The following WDR72 variants were observed in gnomAD, a reference collection of about 807,000 sequenced individuals.
WDR72 encodes the protein WD repeat-containing protein 72.
WDR72 carries 120 observed loss-of-function variants against 124.2 expected under a neutral mutation model. That is an observed-to-expected ratio of 0.97 (90% CI 0.83 to 1.12). The LOEUF is 1.12. WDR72 is among the 50% of genes most tolerant of loss of function. The pLI is 0.00. For missense variants in WDR72, 1,387 were observed against 1,278.8 expected, an observed-to-expected ratio of 1.08 and a Z score of -1.29; for synonymous variants, 452 against 441.7, an observed-to-expected ratio of 1.02 and a Z score of -0.29.
At position 53,735,872 on chromosome 15, in the gene WDR72, A is replaced by T. The variant is rs564300314; in HGVS notation, c.-12-2711T>A. 2.6e-5 allele frequency among the ~76,000 whole-genome samples: 4 copies of T among 152,178 alleles called. 1 individual carries two copies. The East Asian group carries it at 7.7e-4, about 29-fold the overall frequency. ...AAAAGATGAAATTAAAAACCCAAAG[A>T]AAAAACCTACAAAAGGTAGACTTTT... On this transcript the variant is annotated intron_variant, in intron 1 of 19. Transcript: ENST00000360509.
intron 18 of WDR72, among the ~76,000 whole-genome samples, chr15:53,579,817 T>C (rs1244218953): frequency 3.3e-5 from 5 of 151,554 alleles, no homozygotes; most frequent in Admixed American, 6.6e-5. Context: ...CTGTCCCCTA[T>C]AAAAAAAATG....
intron 18 of WDR72, among the ~76,000 whole-genome samples, chr15:53,539,092 TA>T (rs1892928112): frequency 6.6e-6 from 1 of 152,160 alleles, no homozygotes; most frequent in Non-Finnish European, 1.5e-5. Flanking sequence ...TAAAGTAACA[TA>T]CTTAAAAATT....
At chr15:53,529,164 A>ATATTTTTTTTTTTTT (rs59003623) in intron 18 of WDR72, among the ~76,000 whole-genome samples, 5 of 78,168 alleles carry the variant, frequency 6.4e-5, no homozygotes, top group African/African-American at 2.5e-4. Context: ...ATATATATAT[A>ATATTTTTTTTTTTTT]TTTTTTTTTT....
chr15:53,678,831 C>T lies in WDR72; in HGVS notation c.1766-13063G>A, dbSNP rs538022286. Among the ~76,000 whole-genome samples the T allele has an allele frequency of 4.7e-4, 72 of 152,216 alleles. 1 individual carries two copies. In the South Asian group the frequency reaches 0.014, roughly 29 times the overall value. On this transcript the variant is annotated intron_variant, in intron 13 of 19. Transcript: ENST00000360509. ...ATATACCAAAATTGACTGAAAACAA[C>T]GATATGAATAGATATTTGTATACCC...
intron 14 of WDR72, among the ~76,000 whole-genome samples, chr15:53,631,573 G>A (rs2014430386): frequency 6.6e-6 from 1 of 152,202 alleles, no homozygotes; most frequent in African/African-American, 2.4e-5. Flanking sequence ...ACAGGAAGAT[G>A]AGGGAAAATT....
At chr15:53,726,823 GAC>G (rs2018052872) in intron 2 of WDR72, among the ~76,000 whole-genome samples, 1 of 152,132 alleles carries the variant, frequency 6.6e-6, no homozygotes, top group South Asian at 2.1e-4. Context: ...CAGACTGGGT[GAC>G]AGAGTGAGAT....
At chr15:53,576,791 C>T (rs1050745121) in intron 18 of WDR72, among the ~76,000 whole-genome samples, 1 of 152,154 alleles carries the variant, frequency 6.6e-6, no homozygotes, top group Non-Finnish European at 1.5e-5. Context: ...CTGCTATCAG[C>T]TCCAGCCTAC....
chr15:53,542,130 GA>G (rs1893179817), intron 18 of WDR72, among the ~76,000 whole-genome samples: 1 of 68,420 alleles, frequency 1.5e-5, no homozygotes, highest in African/African-American at 6.4e-5. Context: ...TCAGAATCAG[GA>G]AATACAGAGA....
chr15:53,720,457 T>C (rs951552644), intron 3 of WDR72, among the ~76,000 whole-genome samples: 20 of 152,330 alleles, frequency 1.3e-4, no homozygotes, highest in African/African-American at 4.3e-4. Context: ...TCTGAAATCA[T>C]TGTTCTTCTT....
At chr15:53,630,451 C>T (rs1031587927) in intron 14 of WDR72, among the ~76,000 whole-genome samples, 1 of 152,078 alleles carries the variant, frequency 6.6e-6, no homozygotes, top group Non-Finnish European at 1.5e-5. Context: ...ACTATAGACA[C>T]AAAAATCCTC....
At chr15:53,644,960 G>A (rs967005385) in intron 14 of WDR72, among the ~76,000 whole-genome samples, 1 of 152,048 alleles carries the variant, frequency 6.6e-6, no homozygotes, top group African/African-American at 2.4e-5. Context: ...GTACCTTTTT[G>A]CTTTCTCTCA....
chr15:53,705,598 G>C (rs758258254), intron 10 of WDR72, among the ~76,000 whole-genome samples: 1 of 152,090 alleles, frequency 6.6e-6, no homozygotes, highest in Non-Finnish European at 1.5e-5. Flanking sequence ...GAGTAGCTGG[G>C]ATTACAGGTG....
chr15:53,718,773 T>A (rs1350141525), intron 3 of WDR72, among the ~76,000 whole-genome samples: 1 of 84,766 alleles, frequency 1.2e-5, no homozygotes. Flanking sequence ...ATTTTAAGAA[T>A]TTTAAAAATC....
chr15:53,744,245 G>A (rs1306315693), intron 1 of WDR72, among the ~76,000 whole-genome samples: 1 of 152,106 alleles, frequency 6.6e-6, no homozygotes, highest in Admixed American at 6.5e-5. Flanking sequence ...TGGTGTATAC[G>A]AAAATAATTA....
intron 8 of WDR72, 120 bp downstream of exon 8, chr15:53,711,216 C>A (rs2017526495): frequency 6.9e-7 from 1 of 1,455,928 alleles, no homozygotes; most frequent in East Asian, 2.3e-5. Flanking sequence ...TCTTCTAGTG[C>A]CAAAGTTGTT....
At chr15:53,605,787 G>A (rs1267081033) in intron 17 of WDR72, among the ~76,000 whole-genome samples, 4 of 152,014 alleles carry the variant, frequency 2.6e-5, no homozygotes, top group South Asian at 4.2e-4. Flanking sequence ...CCTGGGAGAC[G>A]GAGGCTGCAG....
At chr15:53,609,061 G>T (rs530968352) in intron 17 of WDR72, among the ~76,000 whole-genome samples, 1 of 152,092 alleles carries the variant, frequency 6.6e-6, no homozygotes, top group African/African-American at 2.4e-5. Context: ...CCCATTCTCT[G>T]TGATGTGATA....
chr15:53,658,913 A>C (rs2015517978), intron 14 of WDR72, among the ~76,000 whole-genome samples: 1 of 152,210 alleles, frequency 6.6e-6, no homozygotes, highest in Admixed American at 6.5e-5. Flanking sequence ...TATGAACAAG[A>C]ACCCAATATT....
At chr15:53,758,766 T>TCCG (rs2018979915) in intron 1 of WDR72, among the ~76,000 whole-genome samples, 2 of 902 alleles carry the variant, frequency 2.2e-3, no homozygotes, top group Admixed American at 0.02. Flanking sequence ...AACACAAAAC[T>TCCG]GCGGGGGGGG....
Sources: allele counts gnomAD v4.1 joint callset (sites outside exome capture counted in the v4.1 genomes callset), GRCh38; gene constraint gnomAD v4.1.1; transcripts MANE v1.5; gene names NCBI Gene and HGNC (gene_info 2026-07-23, HGNC 2026-07-21).